Variants in RASIP1 observed in about 807,000 individuals in gnomAD.
RASIP1 encodes ras-interacting protein 1.
Under a neutral mutation model 85.3 loss-of-function variants are expected in RASIP1, and 20 were observed. The ratio of observed to expected loss-of-function variants is 0.23; its 90% confidence interval spans 0.17 to 0.34. The LOEUF is 0.34. RASIP1 is among the 10% of genes least tolerant of loss of function. The pLI, the probability that RASIP1 is intolerant of heterozygous loss-of-function variation, is 1.00. For synonymous variants in RASIP1, 617 were observed against 647.1 expected (o/e 0.95, Z 0.71); for missense variants, 1,170 against 1,390.9 (o/e 0.84, Z 2.53).
chr19:48,723,271 T>A (rs2033282255), intron 10 of RASIP1, among the ~76,000 whole-genome samples: 1 of 151,944 alleles, frequency 6.6e-6, no homozygotes, highest in Non-Finnish European at 1.5e-5. Context: ...AATAAATAAT[T>A]GAAATTGGCC....
At chr19:48,737,568 G>A in intron 3 of RASIP1, 3 of 985,266 alleles carry the variant, frequency 3.0e-6, no homozygotes, top group Non-Finnish European at 3.6e-6. Flanking sequence ...TCCAAGGCCG[G>A]CCCCTCAGCG....
At chr19:48,726,619 T>C (rs530450309) in intron 8 of RASIP1, among the ~76,000 whole-genome samples, 166 bp downstream of exon 8, 37 of 152,310 alleles carry the variant, frequency 2.4e-4, no homozygotes, top group Non-Finnish European at 5.4e-4. Flanking sequence ...TTGGGTGAGA[T>C]GGGATGTCAT....
chr19:48,740,292 G>A lies in RASIP1; in HGVS notation c.-4-6C>T. Reference sequence around the variant, plus strand: ...GTTCACCAGACAGCATGGCCCTAAGGGAAGGCGGGTAAGGCCCCAACTCCT... The same window carrying A: ...GTTCACCAGACAGCATGGCCCTAAGAGAAGGCGGGTAAGGCCCCAACTCCT... On this transcript the variant is annotated splice_region_variant and splice_polypyrimidine_tract_variant and intron_variant, in intron 1 of 11. Coordinates refer to ENST00000222145, the MANE Select transcript of RASIP1 (RefSeq NM_017805.3). This position sits in a 1 kb window ranked among gnomAD's most constrained non-coding sequence, Gnocchi z 5.5. 6.4e-7 allele frequency: 1 copy of A among 1,572,932 alleles called. No homozygotes were observed. Among genetic ancestry groups the A allele is most frequent in the Non-Finnish European group, 8.6e-7 (1 of 1,163,784 alleles).
intron 7 of RASIP1, 58 bp downstream of exon 7, chr19:48,726,949 C>A: frequency 6.2e-7 from 1 of 1,610,272 alleles, no homozygotes; most frequent in Non-Finnish European, 8.5e-7. Context: ...AGCCCAGGTC[C>A]CCAGGTGCAG....
At position 48,720,697 on chromosome 19, in the gene RASIP1, G is replaced by T. The variant is rs947209148; in HGVS notation, c.*101C>A. The T allele has an allele frequency of 5.4e-6, 7 of 1,308,350 alleles. No homozygotes were observed. In the Admixed American group the frequency reaches 9.2e-5, roughly 17 times the overall value. The allele number at this position is 1,308,350 out of a possible 1,614,324, so 81.0% of individuals were successfully genotyped here. On this transcript the variant is annotated 3_prime_UTR_variant, in exon 12 of 12. Transcript: ENST00000222145. ...CTCAATCTCCCAACATTCCACGCGGGATAAGAACTACAACTCCCAGAAAGC... is the reference window on the plus strand; with the variant it reads ...CTCAATCTCCCAACATTCCACGCGGTATAAGAACTACAACTCCCAGAAAGC...
In RASIP1 at chr19:48,727,065, C is replaced by T. The variant is rs748393323; in HGVS notation, c.1965G>A (p.Glu655=). The change falls in exon 7 of 12, where the codon GAG becomes GAA. Residue 655 remains glutamate (E), a synonymous_variant. Coordinates refer to ENST00000222145, the MANE Select transcript of RASIP1 (RefSeq NM_017805.3). ...CCTTCTCCTGCACAAAGCTAAGCAG[C>T]TCCGTGGTGTTGGCCATCCACAGCA... ...PLMLWMANTT[E]LLSFVQEKVL... is the part of the protein sequence containing the mutation. 3 of 1,614,100 alleles carry T rather than the reference C, an allele frequency of 1.9e-6. No homozygotes were observed. The highest frequency in any genetic ancestry group is 1.3e-5 in the African/African-American group (1 of 74,934).
Position 48,724,093 on chromosome 19 carries a change from C to G in RASIP1, c.2544+244G>C, listed in dbSNP as rs1464333328. Among the ~76,000 whole-genome samples, 1 of 152,222 alleles carries G rather than the reference C, an allele frequency of 6.6e-6. No individual in the cohort carries two copies. Among genetic ancestry groups the G allele is most frequent in the African/African-American group, 2.4e-5 (1 of 41,458 alleles). On this transcript the variant is annotated intron_variant, in intron 10 of 11. Coordinates refer to ENST00000222145, the MANE Select transcript of RASIP1 (RefSeq NM_017805.3). This position sits in a 1 kb window ranked among gnomAD's most constrained non-coding sequence, Gnocchi z 4.6. ...AAAGTGTTGGGATTATAGGCGCGAG[C>G]CACTGCTCCTGGCCTGGAAACTATT...
Position 48,739,309 on chromosome 19 carries a change from G to C in RASIP1, c.474C>G (p.Gly158=). The change falls in exon 3 of 12, where the codon GGC becomes GGG. Residue 158 remains glycine, a synonymous_variant. Transcript: ENST00000222145. The surrounding 1 kb of genome is among the most constrained non-coding windows in gnomAD (Gnocchi z 9.2). ...TGGCCAGCACGCTCTTGTAGTTGGC[G>C]CCCGATGCCAGTCCGGCGCCGAAGA... ...LKIFGAGLAS[G]ANYKSVLATA... The C allele has an allele frequency of 7.2e-7, 1 of 1,398,118 alleles. No individual in the cohort carries two copies. The highest frequency in any genetic ancestry group is 3.5e-5 in the Admixed American group (1 of 28,588). 86.6% of individuals were successfully genotyped at this position (1,398,118 alleles called of 1,614,324 possible).
At position 48,726,859 on chromosome 19, in the gene RASIP1, A is replaced by G; in HGVS notation, c.2053T>C (p.Cys685Arg). Residue 685 changes from cysteine (C) to arginine (R), a missense_variant, in exon 8 of 12, where the codon TGT (cysteine) becomes CGT (arginine). Cys to Arg is a radical substitution (Grantham distance 180). Transcript: ENST00000222145. The stretch of plus-strand genomic sequence containing the variant: ...TCCAGGAGGGCCATGGCCTCATCAC[A>G]TAATTCCAAGTCATTGCAGAGCTGT... ...DPQLCNDLEL[C>R]DEAMALLDEV... 6.2e-7 allele frequency: 1 copy of G among 1,614,084 alleles called. No homozygotes were observed. The highest frequency in any genetic ancestry group is 1.6e-4 in the Middle Eastern group (1 of 6,062).
Position 48,721,906 on chromosome 19 carries a change from C to T in RASIP1, c.2640G>A (p.Gly880=). ...LSHYQLGPGR[G]PPAAWDPPPA... Reference sequence around the variant, plus strand: ...GGGGAGGGTCCCACGCGGCTGGCGGCCCGCGGCCAGGGCCCAGCTGATAGT... The same window carrying T: ...GGGGAGGGTCCCACGCGGCTGGCGGTCCGCGGCCAGGGCCCAGCTGATAGT... Residue 880 remains glycine, a synonymous_variant, in exon 11 of 12, where the codon GGG becomes GGA. Coordinates refer to ENST00000222145, the MANE Select transcript of RASIP1 (RefSeq NM_017805.3). The T allele has an allele frequency of 6.2e-7, 1 of 1,604,994 alleles. No homozygotes were observed. The highest frequency in any genetic ancestry group is 1.7e-4 in the Middle Eastern group (1 of 5,818).
rs370372473 is a variant in RASIP1 at position 48,729,516 on chromosome 19, C to T, written c.1254G>A (p.Gly418=). ...AGGTGTCCACATAGGGAGCCGGGGA[C>T]CCCCCGCGGCCAGACGAGTTCCCAC... ...GRGGNSSGRG[G]SPAPYVDTFL... Residue 418 remains glycine (G), a synonymous_variant, in exon 5 of 12, where the codon GGG becomes GGA. Transcript: ENST00000222145. The T allele has an allele frequency of 6.3e-7, 1 of 1,597,504 alleles. No individual in the cohort carries two copies. Among genetic ancestry groups the T allele is most frequent in the East Asian group, 2.3e-5 (1 of 43,904 alleles).
At chr19:48,726,611 G>T (rs1568476998) in intron 8 of RASIP1, among the ~76,000 whole-genome samples, 174 bp downstream of exon 8, 2 of 152,218 alleles carry the variant, frequency 1.3e-5, no homozygotes, top group Non-Finnish European at 2.9e-5. Flanking sequence ...CAAAGTCCTT[G>T]GGTGAGATGG....
intron 3 of RASIP1, chr19:48,737,649 C>G: frequency 2.0e-6 from 2 of 985,372 alleles, no homozygotes; most frequent in Non-Finnish European, 2.4e-6. Context: ...GGTGTCGCCC[C>G]CTTCTATACT....
chr19:48,724,045 T>C lies in RASIP1; in HGVS notation c.2544+292A>G, dbSNP rs1020301796. 3.9e-5 allele frequency among the ~76,000 whole-genome samples: 6 copies of C among 152,216 alleles called. No homozygotes were observed. Among genetic ancestry groups the C allele is most frequent in the African/African-American group, 1.4e-4 (6 of 41,460 alleles). Reference sequence around the variant, plus strand: ...CTGGTCTCAAACTCCTGGCCTCAAGTGATCCACCTACTTAGGCCTCCCAAA... The same window carrying C: ...CTGGTCTCAAACTCCTGGCCTCAAGCGATCCACCTACTTAGGCCTCCCAAA... On this transcript the variant is annotated intron_variant, in intron 10 of 11. Transcript: ENST00000222145. The surrounding 1 kb of genome is among the most constrained non-coding windows in gnomAD (Gnocchi z 4.6).
chr19:48,722,285 C>T (rs969506886), intron 10 of RASIP1, among the ~76,000 whole-genome samples: 10 of 143,538 alleles, frequency 7.0e-5, no homozygotes, highest in Admixed American at 4.2e-4. Context: ...TTGAATCTGG[C>T]GATGGTACTT....
In RASIP1 at chr19:48,720,638, T is replaced by C. The variant is rs2033208983; in HGVS notation, c.*160A>G. The C allele has an allele frequency of 3.9e-6, 3 of 764,218 alleles. No homozygotes were observed. The highest frequency in any genetic ancestry group is 3.5e-5 in the African/African-American group (2 of 57,458). The allele number at this position is 764,218 out of a possible 1,614,324, so 47.3% of individuals were successfully genotyped here. A position where few individuals can be genotyped will look rare whatever the true frequency, so the allele number is the denominator to read the frequency against. The stretch of plus-strand genomic sequence containing the variant: ...CCCTGGCATTCACATCCTAAGCCCA[T>C]GCTCCCACCGTCCCATCCGCTACTT... On this transcript the variant is annotated 3_prime_UTR_variant, in exon 12 of 12. Coordinates refer to ENST00000222145, the MANE Select transcript of RASIP1 (RefSeq NM_017805.3).
chr19:48,740,010 C>G lies in RASIP1; in HGVS notation c.137+136G>C. ...CCCTGGTATCACTGTGCCCCACCGT[C>G]TCCCCCTGCCCACCAGCTCGTTTGC... On this transcript the variant is annotated intron_variant, in intron 2 of 11. Coordinates refer to ENST00000222145, the MANE Select transcript of RASIP1 (RefSeq NM_017805.3). The surrounding 1 kb of genome is among the most constrained non-coding windows in gnomAD (Gnocchi z 5.5). 3 of 1,217,966 alleles carry G rather than the reference C, an allele frequency of 2.5e-6. No homozygotes were observed. Among genetic ancestry groups the G allele is most frequent in the Non-Finnish European group, 3.3e-6 (3 of 903,768 alleles). 75.4% of individuals were successfully genotyped at this position (1,217,966 alleles called of 1,614,324 possible).
At position 48,726,898 on chromosome 19, in the gene RASIP1, G is replaced by T. The variant is rs1177773121; in HGVS notation, c.2024-10C>A. The T allele has an allele frequency of 6.2e-7, 1 of 1,612,748 alleles. No individual in the cohort carries two copies. Among genetic ancestry groups the T allele is most frequent in the Non-Finnish European group, 8.5e-7 (1 of 1,179,166 alleles). On this transcript the variant is annotated splice_polypyrimidine_tract_variant and intron_variant, in intron 7 of 11. Coordinates refer to ENST00000222145, the MANE Select transcript of RASIP1 (RefSeq NM_017805.3). Reference sequence around the variant, plus strand: ...TTGCAGAGCTGTGGGTCTGAGGACAGGCTTGGGGTTAAGAGGGAGAACCAG... The same window carrying T: ...TTGCAGAGCTGTGGGTCTGAGGACATGCTTGGGGTTAAGAGGGAGAACCAG...
chr19:48,721,227 C>T lies in RASIP1; in HGVS notation c.2693-230G>A, dbSNP rs281393. ...CCTGGGAAACGGCTTCCCAAATCCC[C>T]GAGAAAGGGCTGGGAACTTGCCTTA... On this transcript the variant is annotated intron_variant, in intron 11 of 11. Coordinates refer to ENST00000222145, the MANE Select transcript of RASIP1 (RefSeq NM_017805.3). Among the ~76,000 whole-genome samples, 58,657 of 151,844 alleles carry T rather than the reference C, an allele frequency of 0.39. 12,065 individuals are homozygous for T. The highest frequency in any genetic ancestry group is 0.83 in the East Asian group (4,251 of 5,146).
Sources: allele counts gnomAD v4.1 joint callset (sites outside exome capture counted in the v4.1 genomes callset), GRCh38; gene constraint gnomAD v4.1.1; non-coding constraint Gnocchi (gnomAD v3.1); transcripts MANE v1.5; gene names NCBI Gene and HGNC (gene_info 2026-07-23, HGNC 2026-07-21).